SLCO1A2: variants seen among roughly 807,000 people sequenced by gnomAD.
The protein encoded by SLCO1A2 is solute carrier organic anion transporter family member 1A2.
SLCO1A2 carries 67 observed loss-of-function variants against 69.0 expected under a neutral mutation model. The observed-to-expected ratio is 0.97, with a 90% CI of 0.80 to 1.19. SLCO1A2 has a LOEUF of 1.19. SLCO1A2 is among the 50% of genes most tolerant of loss of function. SLCO1A2 has a pLI of 0.00. For missense variants in SLCO1A2, 787 were observed against 793.7 expected, an observed-to-expected ratio of 0.99 and a Z score of 0.10; for synonymous variants, 260 against 265.9, an observed-to-expected ratio of 0.98 and a Z score of 0.22.
Position 21,288,830 on chromosome 12 carries a change from ATATT to A in SLCO1A2, c.1610+3330_1610+3333del, listed in dbSNP as rs1319301414. ...ATAAAAATTTAAAATTAAAAAAACT[ATATT>A]TATATATGATTAATTTTTTAAATCT... is the stretch of plus-strand genomic sequence containing the variant. On this transcript the variant is annotated intron_variant, in intron 12 of 14. Coordinates refer to ENST00000683939, the MANE Select transcript of SLCO1A2 (RefSeq NM_001386879.1). Among the ~76,000 whole-genome samples the A allele has an allele frequency of 4.6e-5, 7 of 151,816 alleles. No individual in the cohort carries two copies. In the East Asian group the frequency reaches 9.7e-4, roughly 21 times the overall value.
chr12:21,299,716 T>C (rs1718378475), intron 8 of SLCO1A2, among the ~76,000 whole-genome samples: 1 of 149,488 alleles, frequency 6.7e-6, no homozygotes, highest in South Asian at 2.1e-4. Context: ...CAATTCAACC[T>C]ATGTTCTCTG....
At chr12:21,284,316 C>A (rs1293601301) in intron 12 of SLCO1A2, among the ~76,000 whole-genome samples, 1 of 152,174 alleles carries the variant, frequency 6.6e-6, no homozygotes, top group Non-Finnish European at 1.5e-5. Context: ...GTGAGCGATG[C>A]AGAAGACGGG....
intron 2 of SLCO1A2, among the ~76,000 whole-genome samples, chr12:21,321,098 C>T (rs1017672646): frequency 6.6e-6 from 1 of 152,182 alleles, no homozygotes; most frequent in Admixed American, 6.5e-5. Context: ...CCCAAATCCA[C>T]AAGCTATGTC....
intron 14 of SLCO1A2, chr12:21,274,259 A>G (rs954812481): frequency 4.3e-6 from 2 of 467,508 alleles, no homozygotes; most frequent in Non-Finnish European, 3.8e-6. Flanking sequence ...GAAGCCATGT[A>G]TGCTTATATT....
At chr12:21,413,770 C>T (rs2137209300) in intron 1 of SLCO1A2, among the ~76,000 whole-genome samples, 1 of 152,192 alleles carries the variant, frequency 6.6e-6, no homozygotes, top group East Asian at 1.9e-4. Context: ...GCGCCAGGAC[C>T]CATCTCGGGT....
chr12:21,293,716 A>G (rs1339936046), intron 11 of SLCO1A2, among the ~76,000 whole-genome samples: 1 of 152,116 alleles, frequency 6.6e-6, no homozygotes, highest in Non-Finnish European at 1.5e-5. Flanking sequence ...GTAATAATAT[A>G]AACTTCTTGG....
chr12:21,281,384 A>G, intron 12 of SLCO1A2, among the ~76,000 whole-genome samples: 1 of 152,180 alleles, frequency 6.6e-6, no homozygotes, highest in African/African-American at 2.4e-5. Context: ...CAGGAGGCAG[A>G]GGTTGCAGTG....
At chr12:21,414,163 T>C (rs1435193011) in intron 1 of SLCO1A2, among the ~76,000 whole-genome samples, 1 of 152,102 alleles carries the variant, frequency 6.6e-6, no homozygotes, top group Non-Finnish European at 1.5e-5. Context: ...TAAATTCCCT[T>C]ATTTCCTAGT....
chr12:21,353,037 C>G (rs1005874608), intron 2 of SLCO1A2, among the ~76,000 whole-genome samples: 3 of 152,142 alleles, frequency 2.0e-5, no homozygotes, highest in African/African-American at 7.2e-5. Flanking sequence ...ACAGAATATT[C>G]CCCCTTAAAT....
At chr12:21,331,764 G>T (rs1227740969) in intron 2 of SLCO1A2, among the ~76,000 whole-genome samples, 2 of 152,118 alleles carry the variant, frequency 1.3e-5, no homozygotes, top group Non-Finnish European at 2.9e-5. Flanking sequence ...GAAAGGAGTT[G>T]CCCACGCTCC....
At chr12:21,384,446 TCCA>T (rs1211907814) in intron 1 of SLCO1A2, among the ~76,000 whole-genome samples, 3 of 152,058 alleles carry the variant, frequency 2.0e-5, no homozygotes, top group African/African-American at 7.2e-5. Flanking sequence ...GCTCTGAAAA[TCCA>T]CCACTTCTCT....
intron 4 of SLCO1A2, among the ~76,000 whole-genome samples, chr12:21,309,702 C>G: frequency 6.6e-6 from 1 of 151,738 alleles, no homozygotes; most frequent in Non-Finnish European, 1.5e-5. Flanking sequence ...TTCACAAAAA[C>G]AAGTGAAGAG....
intron 12 of SLCO1A2, among the ~76,000 whole-genome samples, chr12:21,281,419 T>C (rs1287500401): frequency 6.6e-6 from 1 of 150,404 alleles, no homozygotes; most frequent in Non-Finnish European, 1.5e-5. Flanking sequence ...CACTGCACTC[T>C]AACTTGAGCG....
chr12:21,400,343 G>T (rs1373447977), upstream of SLCO1A2, among the ~76,000 whole-genome samples: 1 of 152,030 alleles, frequency 6.6e-6, no homozygotes, highest in Non-Finnish European at 1.5e-5. Context: ...TCTCACACCA[G>T]TTAGAATGGC....
intron 2 of SLCO1A2, among the ~76,000 whole-genome samples, chr12:21,325,330 C>G (rs111651393): frequency 0.013 from 1,946 of 150,684 alleles, 19 homozygotes; most frequent in Non-Finnish European, 0.021. Context: ...GTTAAAATTA[C>G]CTTACATAAA....
chr12:21,274,573 T>G lies in SLCO1A2; in HGVS notation c.1689A>C (p.Ala563=), dbSNP rs1412338646. The change falls in exon 14 of 15, where the codon GCA becomes GCC. Residue 563 remains alanine, a synonymous_variant. Transcript: ENST00000683939. ...FCTRVFAGIP[A]PIYFGALMDS... is the part of the protein sequence containing the mutation. ...CCATTAAAGCGCCAAAATATATAGG[T>G]GCAGGAATGCCAGCTACAATTGACA... 3 of 1,603,040 alleles carry G rather than the reference T, an allele frequency of 1.9e-6. No homozygotes were observed. The highest frequency in any genetic ancestry group is 2.6e-6 in the Non-Finnish European group (3 of 1,170,532).
chr12:21,323,418 A>G (rs1250360922), intron 2 of SLCO1A2, among the ~76,000 whole-genome samples: 2 of 152,000 alleles, frequency 1.3e-5, no homozygotes, highest in African/African-American at 4.8e-5. Context: ...ACAAAAAGCT[A>G]GCCAGGTATG....
At chr12:21,274,245 T>C (rs906265596) in intron 14 of SLCO1A2, 1 of 427,140 alleles carries the variant, frequency 2.3e-6, no homozygotes, top group Non-Finnish European at 4.2e-6. Context: ...AAGCCAAGGT[T>C]AGGGAAGCCA....
Position 21,364,769 on chromosome 12 carries a change from A to C in SLCO1A2, c.-63+9630T>G, listed in dbSNP as rs552359487. Among the ~76,000 whole-genome samples the C allele has an allele frequency of 9.9e-5, 15 of 152,164 alleles. No homozygotes were observed. In the South Asian group the frequency reaches 2.9e-3, roughly 29 times the overall value. The stretch of plus-strand genomic sequence containing the variant: ...ACACCAATAACAGACAAACGGAGAG[A>C]CAAATCATGAGTGAACTCCATTCAC... On this transcript the variant is annotated intron_variant, in intron 2 of 15. Coordinates refer to the SLCO1A2 transcript ENST00000307378.
Sources: gnomAD v4.1 joint callset for allele counts (sites outside exome capture counted in the v4.1 genomes callset) on GRCh38, gnomAD v4.1.1 for gene constraint, MANE v1.5 for transcripts, NCBI Gene and HGNC (gene_info 2026-07-23, HGNC 2026-07-21) for gene names.